KLF8: variants seen among roughly 807,000 people sequenced by gnomAD.
KLF8 encodes KLF transcription factor 8.
KLF8 carries 10 observed loss-of-function variants against 18.2 expected under a neutral mutation model. The ratio of observed to expected loss-of-function variants is 0.55; its 90% CI spans 0.34 to 0.93. The LOEUF is 0.93. KLF8 is among the 40% of genes least tolerant of loss of function. The probability of loss-of-function intolerance (pLI) is 0.02; values close to 1 mark genes in which losing one functional copy is unlikely to be tolerated. For missense variants in KLF8, 264 were observed against 277.9 expected, an observed-to-expected ratio of 0.95 and a Z score of 0.36; for synonymous variants, 109 against 97.3, an observed-to-expected ratio of 1.12 and a Z score of -0.71.
At chrX:55,936,710 T>C in the KLF8 span, among the ~76,000 whole-genome samples, 1 of 112,000 alleles carries the variant, frequency 8.9e-6, no homozygotes, top group African/African-American at 3.2e-5. Context: ...GCTTAACAAA[T>C]GGCACACCAG....
the KLF8 span, among the ~76,000 whole-genome samples, chrX:56,142,124 T>A: frequency 9.0e-6 from 1 of 111,450 alleles, no homozygotes; most frequent in African/African-American, 3.3e-5. Context: ...AGGCAATTAT[T>A]TTTCGTGGAA....
chrX:55,999,875 C>G, the KLF8 span, among the ~76,000 whole-genome samples: 1 of 112,032 alleles, frequency 8.9e-6, no homozygotes, highest in Non-Finnish European at 1.9e-5. Context: ...ACTACCAGTA[C>G]TAAGTTGAAT....
the KLF8 span, among the ~76,000 whole-genome samples, chrX:55,971,793 C>A: frequency 1.8e-5 from 2 of 111,207 alleles, no homozygotes; most frequent in African/African-American, 6.5e-5. Flanking sequence ...AAATGACAGA[C>A]AAGCATATGA....
chrX:56,261,199 A>G (rs2066879059), intron 2 of KLF8, among the ~76,000 whole-genome samples: 1 of 111,694 alleles, frequency 9.0e-6, no homozygotes, highest in South Asian at 3.7e-4. Flanking sequence ...GTCCACTCAA[A>G]TTGGCTTAAG....
chrX:56,034,246 A>T, the KLF8 span, among the ~76,000 whole-genome samples: 1 of 112,209 alleles, frequency 8.9e-6, no homozygotes, highest in African/African-American at 3.2e-5. Flanking sequence ...TATTCAGTTT[A>T]CCCAACATCA....
At chrX:56,183,548 C>A in the KLF8 span, among the ~76,000 whole-genome samples, 5 of 111,545 alleles carry the variant, frequency 4.5e-5, no homozygotes, top group African/African-American at 6.5e-5. Flanking sequence ...CTGTGCCACT[C>A]ATGCTAGGAT....
the KLF8 span, among the ~76,000 whole-genome samples, chrX:56,075,764 T>G: frequency 2.5e-3 from 281 of 111,799 alleles, no homozygotes; most frequent in African/African-American, 8.8e-3. Flanking sequence ...TGAGAACATG[T>G]GATGTTTTTC....
chrX:56,045,066 T>G, the KLF8 span, among the ~76,000 whole-genome samples: 3 of 112,080 alleles, frequency 2.7e-5, no homozygotes, highest in Non-Finnish European at 5.6e-5. Flanking sequence ...GTTGAGTTGA[T>G]TTTTGTATAA....
chrX:56,234,498 T>C (rs991521394), intron 1 of KLF8, among the ~76,000 whole-genome samples: 3 of 112,437 alleles, frequency 2.7e-5, no homozygotes, highest in African/African-American at 9.7e-5. Flanking sequence ...CTGATAAAAT[T>C]AGTGTTTTTC....
chrX:56,182,334 A>G, the KLF8 span, among the ~76,000 whole-genome samples: 6 of 112,169 alleles, frequency 5.3e-5, no homozygotes, highest in African/African-American at 1.6e-4. Flanking sequence ...GGTCTTCTCT[A>G]TACTGTTTAT....
At chrX:56,013,267 A>G in the KLF8 span, among the ~76,000 whole-genome samples, 3 of 112,291 alleles carry the variant, frequency 2.7e-5, no homozygotes, top group African/African-American at 9.7e-5. Flanking sequence ...GTTTTGGCCA[A>G]TTTCTTCCAC....
At chrX:56,162,999 C>T in the KLF8 span, among the ~76,000 whole-genome samples, 3 of 112,026 alleles carry the variant, frequency 2.7e-5, no homozygotes, top group South Asian at 3.7e-4. Flanking sequence ...TATCATTTTG[C>T]GGCATTTAGG....
the KLF8 span, among the ~76,000 whole-genome samples, chrX:55,975,850 C>T: frequency 5.6e-3 from 626 of 111,968 alleles, 2 homozygotes; most frequent in Middle Eastern, 0.018. Context: ...TGGCTTACGC[C>T]TGTAATCCCG....
chrX:56,203,770 G>T, the KLF8 span, among the ~76,000 whole-genome samples: 1 of 111,483 alleles, frequency 9.0e-6, no homozygotes, highest in Non-Finnish European at 1.9e-5. Context: ...TTGCTATTCT[G>T]TTCCACTGGT....
the KLF8 span, among the ~76,000 whole-genome samples, chrX:56,197,002 A>T: frequency 8.9e-6 from 1 of 112,151 alleles, no homozygotes; most frequent in Non-Finnish European, 1.9e-5. Flanking sequence ...ACTACTGGGT[A>T]GTAACGAAAT....
chrX:56,209,880 ACT>A, the KLF8 span, among the ~76,000 whole-genome samples: 1 of 111,947 alleles, frequency 8.9e-6, no homozygotes, highest in Middle Eastern at 4.6e-3. Context: ...ACAGTTTAAC[ACT>A]GTTTCCATAA....
chrX:56,131,530 G>A, the KLF8 span, among the ~76,000 whole-genome samples: 2 of 110,598 alleles, frequency 1.8e-5, no homozygotes, highest in Admixed American at 1.9e-4. Context: ...CATCAAAACA[G>A]AACCTCTTTA....
chrX:56,103,702 T>C, the KLF8 span, among the ~76,000 whole-genome samples: 8 of 111,414 alleles, frequency 7.2e-5, no homozygotes, highest in Admixed American at 9.5e-5. Flanking sequence ...ATACACTTTA[T>C]TTCTTTCTCC....
At chrX:56,014,657 A>C in the KLF8 span, among the ~76,000 whole-genome samples, 4 of 111,186 alleles carry the variant, frequency 3.6e-5, no homozygotes, top group Admixed American at 3.8e-4. Context: ...AAATTGTTCT[A>C]TTATAAAGAT....
Sources: gnomAD v4.1 joint callset for allele counts (sites outside exome capture counted in the v4.1 genomes callset) on GRCh38, gnomAD v4.1.1 for gene constraint, MANE v1.5 for transcripts, NCBI Gene and HGNC (gene_info 2026-07-23, HGNC 2026-07-21) for gene names.